The following SLCO1B3 variants were observed in gnomAD, a reference collection of about 807,000 sequenced individuals.
The protein encoded by SLCO1B3 is liver-specific organic anion transporter 2.
SLCO1B3 carries 72 observed loss-of-function variants against 71.8 expected under a neutral mutation model. That is an observed-to-expected ratio of 1.00 (90% CI 0.83 to 1.22). The LOEUF is 1.22. Among genes scored for constraint, SLCO1B3 ranks in the 50% most tolerant of loss-of-function variants. SLCO1B3 has a pLI of 0.00. For synonymous variants in SLCO1B3, 298 were observed against 278.4 expected (o/e 1.07, Z -0.70); for missense variants, 911 against 819.7 (o/e 1.11, Z -1.36).
At chr12:20,901,491 A>G (rs961122274) in intron 15 of SLCO1B3, 24 bp downstream of exon 15, 1 of 1,225,210 alleles carries the variant, frequency 8.2e-7, no homozygotes, top group South Asian at 1.4e-5. Flanking sequence ...AACACATTTC[A>G]TTAATAGATT....
chr12:20,886,373 C>CA (rs1362335075), intron 13 of SLCO1B3, among the ~76,000 whole-genome samples: 1 of 151,998 alleles, frequency 6.6e-6, no homozygotes. Context: ...TCCAATGCCA[C>CA]ATTGAGATCT....
intron 15 of SLCO1B3, among the ~76,000 whole-genome samples, chr12:20,903,801 T>A (rs1866176030): frequency 6.6e-6 from 1 of 152,162 alleles, no homozygotes; most frequent in Non-Finnish European, 1.5e-5. Context: ...CTCCTGTTCT[T>A]CTCATATTGC....
At chr12:20,914,214 CGTTTT>C (rs1238984002) in intron 15 of SLCO1B3, among the ~76,000 whole-genome samples, 5 of 151,978 alleles carry the variant, frequency 3.3e-5, no homozygotes, top group African/African-American at 4.8e-5. Context: ...TCTGTCTTCC[CGTTTT>C]GTTTTAATTG....
intron 3 of SLCO1B3, among the ~76,000 whole-genome samples, chr12:20,852,454 G>A (rs776384605): frequency 1.3e-5 from 2 of 152,152 alleles, no homozygotes; most frequent in African/African-American, 4.8e-5. Context: ...ACTCCAGACT[G>A]GGCAACAGAG....
At chr12:20,844,819 C>T (rs890117858) in intron 3 of SLCO1B3, among the ~76,000 whole-genome samples, 12 of 151,700 alleles carry the variant, frequency 7.9e-5, no homozygotes, top group Non-Finnish European at 8.8e-5. Context: ...CATCTGAGGC[C>T]AGGAATTCAA....
At chr12:20,859,820 T>A (rs1865217640) in intron 5 of SLCO1B3, among the ~76,000 whole-genome samples, 1 of 152,202 alleles carries the variant, frequency 6.6e-6, no homozygotes, top group Non-Finnish European at 1.5e-5. Context: ...CTGTTATTTC[T>A]ACAGACTTGA....
At chr12:20,839,359 C>T (rs79330701) in intron 3 of SLCO1B3, among the ~76,000 whole-genome samples, 8,576 of 152,066 alleles carry the variant, frequency 0.056, 313 homozygotes, top group East Asian at 0.17. Flanking sequence ...ACGAGAAATT[C>T]CTTTAATTTT....
chr12:20,889,308 G>A (rs536577216), intron 13 of SLCO1B3, among the ~76,000 whole-genome samples: 15 of 151,960 alleles, frequency 9.9e-5, no homozygotes, highest in Middle Eastern at 3.4e-3. Context: ...GGTAGAATCT[G>A]GCAGTAAGTT....
intron 3 of SLCO1B3, among the ~76,000 whole-genome samples, chr12:20,823,400 C>A (rs1228448474): frequency 6.6e-6 from 1 of 152,084 alleles, no homozygotes; most frequent in African/African-American, 2.4e-5. Flanking sequence ...GACTTTATTT[C>A]ATATTGTAGA....
At chr12:20,857,129 A>G (rs1049116742) in intron 4 of SLCO1B3, among the ~76,000 whole-genome samples, 1 of 152,194 alleles carries the variant, frequency 6.6e-6, no homozygotes, top group African/African-American at 2.4e-5. Context: ...ACTGTTTTAT[A>G]ACATTCAATG....
intron 15 of SLCO1B3, among the ~76,000 whole-genome samples, chr12:20,905,798 C>T (rs1367942353): frequency 6.6e-6 from 1 of 152,036 alleles, no homozygotes; most frequent in Non-Finnish European, 1.5e-5. Flanking sequence ...CTTCTGTCTC[C>T]TTCTGAGCAC....
intron 8 of SLCO1B3, among the ~76,000 whole-genome samples, chr12:20,867,123 C>T (rs1206740187): frequency 6.6e-6 from 1 of 152,130 alleles, no homozygotes; most frequent in African/African-American, 2.4e-5. Context: ...AAGTGGTCTG[C>T]TTTACCCCAA....
At chr12:20,824,591 A>G (rs1174487420) in intron 3 of SLCO1B3, among the ~76,000 whole-genome samples, 1 of 152,164 alleles carries the variant, frequency 6.6e-6, no homozygotes, top group Non-Finnish European at 1.5e-5. Flanking sequence ...TTCCATAATA[A>G]TCATAATTAC....
chr12:20,893,969 C>T (rs969473478), intron 13 of SLCO1B3, among the ~76,000 whole-genome samples: 1 of 152,128 alleles, frequency 6.6e-6, no homozygotes, highest in East Asian at 1.9e-4. Context: ...GTCTCATATA[C>T]ACAATAAATT....
At chr12:20,817,515 T>A (rs540615264) in intron 3 of SLCO1B3, among the ~76,000 whole-genome samples, 1 of 152,270 alleles carries the variant, frequency 6.6e-6, no homozygotes, top group African/African-American at 2.4e-5. Flanking sequence ...GTTTCTGGGT[T>A]CTCTATTCTG....
intron 15 of SLCO1B3, among the ~76,000 whole-genome samples, chr12:20,911,966 T>C (rs1403753743): frequency 1.3e-5 from 2 of 152,208 alleles, no homozygotes; most frequent in Non-Finnish European, 2.9e-5. Flanking sequence ...CGGATTACTT[T>C]GGATTTAATT....
intron 3 of SLCO1B3, among the ~76,000 whole-genome samples, chr12:20,841,438 T>TTAAAATAAATAAA (rs142746580): frequency 6.6e-5 from 10 of 152,168 alleles, no homozygotes; most frequent in Admixed American, 1.3e-4. Flanking sequence ...CACAAGTTAT[T>TTAAAATAAATAAA]TAAAATAAGA....
At chr12:20,894,994 G>C (rs569901593) in intron 13 of SLCO1B3, among the ~76,000 whole-genome samples, 1 of 152,172 alleles carries the variant, frequency 6.6e-6, no homozygotes, top group Non-Finnish European at 1.5e-5. Flanking sequence ...CAGGCAAAGG[G>C]AGCTTGTGCA....
chr12:20,869,269 G>A (rs993355110), intron 8 of SLCO1B3, among the ~76,000 whole-genome samples: 5 of 152,172 alleles, frequency 3.3e-5, no homozygotes, highest in Admixed American at 1.3e-4. Context: ...CTAGAACAAG[G>A]AGCCCTTCTG....
Sources: gnomAD v4.1 joint callset for allele counts (sites outside exome capture counted in the v4.1 genomes callset) on GRCh38, gnomAD v4.1.1 for gene constraint, MANE v1.5 for transcripts, NCBI Gene and HGNC (gene_info 2026-07-23, HGNC 2026-07-21) for gene names.